The following SLC24A3 variants were observed in gnomAD, a reference collection of about 807,000 sequenced individuals.
SLC24A3 encodes the protein solute carrier family 24 member 3, also known as sodium/potassium/calcium exchanger 3.
In SLC24A3, 28 loss-of-function variants were observed where a neutral mutation model predicts 75.8. The observed-to-expected ratio is 0.37, with a 90% CI of 0.27 to 0.51. The LOEUF is 0.51. Among genes scored for constraint, SLC24A3 ranks in the 20% least tolerant of loss-of-function variants. The pLI is 0.94. For missense variants in SLC24A3, 663 were observed against 847.8 expected, an observed-to-expected ratio of 0.78 and a Z score of 2.71; for synonymous variants, 372 against 334.1, an observed-to-expected ratio of 1.11 and a Z score of -1.24.
At chr20:19,224,523 C>T (rs1450235714) in intron 1 of SLC24A3, among the ~76,000 whole-genome samples, 1 of 152,130 alleles carries the variant, frequency 6.6e-6, no homozygotes, top group Non-Finnish European at 1.5e-5. Context: ...CCATGCATGG[C>T]TTGTTAACAA....
intron 3 of SLC24A3, among the ~76,000 whole-genome samples, chr20:19,575,361 A>T (rs1158462664): frequency 2.0e-5 from 3 of 151,698 alleles, no homozygotes; most frequent in Non-Finnish European, 4.4e-5. Flanking sequence ...GGAGGGGTGG[A>T]TATTAATATG....
intron 1 of SLC24A3, among the ~76,000 whole-genome samples, chr20:19,256,731 T>C (rs1160432802): frequency 1.4e-5 from 2 of 142,190 alleles, no homozygotes; most frequent in East Asian, 2.1e-4. Context: ...ATCATGCCAC[T>C]GCACTCCAGC....
At chr20:19,689,494 G>T (rs1043327994) in intron 12 of SLC24A3, among the ~76,000 whole-genome samples, 6 of 152,300 alleles carry the variant, frequency 3.9e-5, no homozygotes, top group Middle Eastern at 3.4e-3. Flanking sequence ...TCAGGTCCAT[G>T]GTCAGGGAAG....
At chr20:19,440,546 G>A (rs1238694630) in intron 2 of SLC24A3, among the ~76,000 whole-genome samples, 2 of 152,100 alleles carry the variant, frequency 1.3e-5, no homozygotes, top group African/African-American at 2.4e-5. Flanking sequence ...GTAAGAGAGA[G>A]AGGGTGCCGA....
At chr20:19,503,547 T>C (rs1367985319) in intron 2 of SLC24A3, among the ~76,000 whole-genome samples, 1 of 152,174 alleles carries the variant, frequency 6.6e-6, no homozygotes, top group Non-Finnish European at 1.5e-5. Context: ...AAATTATAGG[T>C]AAATGGTCAA....
intron 2 of SLC24A3, among the ~76,000 whole-genome samples, chr20:19,336,166 CT>C (rs1362750908): frequency 6.6e-6 from 1 of 152,154 alleles, no homozygotes; most frequent in Admixed American, 6.5e-5. Context: ...TGTATTTCCC[CT>C]CTTCTCTCTC....
chr20:19,241,330 T>C (rs1982320679), intron 1 of SLC24A3, among the ~76,000 whole-genome samples: 1 of 152,120 alleles, frequency 6.6e-6, no homozygotes, highest in East Asian at 1.9e-4. Flanking sequence ...GGCCCCAGGG[T>C]TTGTGCACAC....
At chr20:19,238,546 A>G (rs1982234813) in intron 1 of SLC24A3, among the ~76,000 whole-genome samples, 1 of 152,212 alleles carries the variant, frequency 6.6e-6, no homozygotes, top group Admixed American at 6.5e-5. Context: ...ACAGTTTTCC[A>G]ACATGGAGGT....
chr20:19,721,801 T>C lies in SLC24A3; in HGVS notation c.*661T>C, dbSNP rs2033107162. On this transcript the variant is annotated 3_prime_UTR_variant, in exon 17 of 17. Transcript: ENST00000328041. ...TTGGAGTATGCATGGATGTAGTGCT[T>C]TTTAGAGGAGCCACTGGGCAAGGCC... The C allele has an allele frequency of 1.3e-5, 2 of 152,658 alleles. No individual in the cohort carries two copies. 9.5% of individuals were successfully genotyped at this position (152,658 alleles called of 1,614,324 possible). A position where few individuals can be genotyped will look rare whatever the true frequency, so the allele number is the denominator to read the frequency against.
chr20:19,640,431 AT>A (rs917637541), intron 6 of SLC24A3, among the ~76,000 whole-genome samples: 1 of 152,014 alleles, frequency 6.6e-6, no homozygotes, highest in Non-Finnish European at 1.5e-5. Flanking sequence ...GTCCTGCTTG[AT>A]TTTTTTTAAC....
chr20:19,670,471 G>A (rs2032453184), intron 8 of SLC24A3, among the ~76,000 whole-genome samples: 1 of 152,140 alleles, frequency 6.6e-6, no homozygotes. Context: ...TGCAACAGAA[G>A]GGCTTTTGAT....
chr20:19,245,848 A>G (rs1423837397), intron 1 of SLC24A3, among the ~76,000 whole-genome samples: 2 of 152,182 alleles, frequency 1.3e-5, no homozygotes, highest in Non-Finnish European at 2.9e-5. Flanking sequence ...CAGAAACTGA[A>G]GATATAAGAA....
rs758148117 is a variant in SLC24A3, at chr20:19,693,437, C to T, written c.1491+12C>T. On this transcript the variant is annotated intron_variant, in intron 13 of 16. Transcript: ENST00000328041. ...TGATGGTGTGGATGGTGAGTGCAATCGGGACCCCATGGCACTGTTAAATCT... is the reference window on the plus strand; with the variant it reads ...TGATGGTGTGGATGGTGAGTGCAATTGGGACCCCATGGCACTGTTAAATCT... 3 of 1,613,296 alleles carry T rather than the reference C, an allele frequency of 1.9e-6. No homozygotes were observed. Among genetic ancestry groups the T allele is most frequent in the Admixed American group, 3.3e-5 (2 of 59,894 alleles).
At chr20:19,235,893 A>G (rs1982152119) in intron 1 of SLC24A3, among the ~76,000 whole-genome samples, 1 of 152,212 alleles carries the variant, frequency 6.6e-6, no homozygotes, top group East Asian at 1.9e-4. Context: ...TGTAGTCTTC[A>G]AGGTCAAGGT....
rs375926165 is a variant in SLC24A3, at chr20:19,443,846, C to A, written c.272-71642C>A. 3.3e-5 allele frequency among the ~76,000 whole-genome samples: 5 copies of A among 152,194 alleles called. No homozygotes were observed. The East Asian group carries it at 7.7e-4, about 23-fold the overall frequency. On this transcript the variant is annotated intron_variant, in intron 2 of 16. Coordinates refer to ENST00000328041, the MANE Select transcript of SLC24A3 (RefSeq NM_020689.4). ...AGTGCTCTACCCATAATTGCCTTGGCATCCACTCTTCCTTGTTTAAGGCTT... is the reference window on the plus strand; with the variant it reads ...AGTGCTCTACCCATAATTGCCTTGGAATCCACTCTTCCTTGTTTAAGGCTT...
chr20:19,521,148 C>T (rs1326981616), intron 3 of SLC24A3, among the ~76,000 whole-genome samples: 1 of 152,132 alleles, frequency 6.6e-6, no homozygotes, highest in Admixed American at 6.5e-5. Context: ...GCCTCCCTCC[C>T]TCCCCACACA....
intron 2 of SLC24A3, among the ~76,000 whole-genome samples, chr20:19,505,314 A>G (rs78605081): frequency 0.061 from 9,241 of 152,298 alleles, 808 homozygotes; most frequent in African/African-American, 0.2. Flanking sequence ...TGCTATCTAG[A>G]TTGCAAATCC....
intron 16 of SLC24A3, among the ~76,000 whole-genome samples, chr20:19,719,919 G>A (rs66474176): frequency 0.13 from 20,338 of 152,218 alleles, 1,537 homozygotes; most frequent in South Asian, 0.27. Context: ...GGCAAAGTGG[G>A]TGAAGCCTAG....
intron 2 of SLC24A3, among the ~76,000 whole-genome samples, chr20:19,432,207 C>T (rs1277734416): frequency 6.6e-6 from 1 of 150,642 alleles, no homozygotes; most frequent in Non-Finnish European, 1.5e-5. Flanking sequence ...TGCGGGTATC[C>T]TAGAGGAGCA....
Sources: gnomAD v4.1 joint callset for allele counts (sites outside exome capture counted in the v4.1 genomes callset) on GRCh38, gnomAD v4.1.1 for gene constraint, MANE v1.5 for transcripts, NCBI Gene and HGNC (gene_info 2026-07-23, HGNC 2026-07-21) for gene names.